The following MYL12B variants were observed in gnomAD, a reference collection of about 807,000 sequenced individuals.
MYL12B encodes myosin regulatory light chain 12B.
MYL12B carries 3 observed loss-of-function variants against 12.9 expected under a neutral mutation model. The ratio of observed to expected loss-of-function variants is 0.23; its 90% confidence interval spans 0.11 to 0.60. The LOEUF (loss-of-function observed/expected upper bound fraction) is 0.60, where lower values mean the gene tolerates loss of function less well. Ranked by LOEUF, MYL12B falls within the 20% of genes least tolerant of loss-of-function variation. MYL12B has a pLI of 0.89. For synonymous variants in MYL12B, 57 were observed against 71.9 expected, an observed-to-expected ratio of 0.79 and a Z score of 1.05; for missense variants, 120 against 215.4, an observed-to-expected ratio of 0.56 and a Z score of 2.77.
At position 3,271,116 on chromosome 18, in the gene MYL12B, A is replaced by C. The variant is rs543247251; in HGVS notation, c.-15-1768A>C. ...GACTAATCTTGAAGAAATTGAGTCA[A>C]AATTTTTAGCATGAGAATGAACCTT... On this transcript the variant is annotated intron_variant, in intron 1 of 3. Transcript: ENST00000237500. Among the ~76,000 whole-genome samples the C allele has an allele frequency of 6.6e-5, 10 of 152,346 alleles. No individual in the cohort carries two copies. The South Asian group carries it at 2.1e-3, about 32-fold the overall frequency.
intron 2 of MYL12B, among the ~76,000 whole-genome samples, chr18:3,274,199 A>G (rs1199340463): frequency 2.0e-5 from 3 of 152,210 alleles, no homozygotes; most frequent in African/African-American, 7.2e-5. Flanking sequence ...TTCTTGGGCA[A>G]GTCAGTACTG....
chr18:3,275,811 T>C (rs1421875883), intron 2 of MYL12B, among the ~76,000 whole-genome samples: 2 of 151,812 alleles, frequency 1.3e-5, no homozygotes, highest in Non-Finnish European at 2.9e-5. Flanking sequence ...TTGGGTTAAA[T>C]CTGGAGGTAG....
chr18:3,266,163 CAG>C (rs980869209), intron 1 of MYL12B, among the ~76,000 whole-genome samples: 1 of 152,146 alleles, frequency 6.6e-6, no homozygotes, highest in African/African-American at 2.4e-5. Flanking sequence ...GGTTCTGGCA[CAG>C]GGTCTCTCAT....
At chr18:3,262,589 G>T (rs1012784913) in intron 1 of MYL12B, 1 of 152,434 alleles carries the variant, frequency 6.6e-6, no homozygotes, top group Non-Finnish European at 1.5e-5. Context: ...GCCTTGGACG[G>T]CCCGGCTGCC....
At chr18:3,270,357 G>A (rs1462326465) in intron 1 of MYL12B, among the ~76,000 whole-genome samples, 1 of 152,092 alleles carries the variant, frequency 6.6e-6, no homozygotes, top group African/African-American at 2.4e-5. Context: ...TTACTACATT[G>A]AGCCTATATC....
At chr18:3,274,496 C>G (rs1307160228) in intron 2 of MYL12B, among the ~76,000 whole-genome samples, 1 of 152,126 alleles carries the variant, frequency 6.6e-6, no homozygotes, top group Non-Finnish European at 1.5e-5. Context: ...CACAGAGACT[C>G]CAGTGCAGCC....
At chr18:3,263,076 G>T (rs2081607234) in intron 1 of MYL12B, 1 of 152,122 alleles carries the variant, frequency 6.6e-6, no homozygotes, top group Admixed American at 6.5e-5. Context: ...AGCAGGCCGT[G>T]GGGACACCGG....
chr18:3,277,507 A>T (rs1284729473), intron 3 of MYL12B, 93 bp downstream of exon 3: 1 of 1,521,324 alleles, frequency 6.6e-7, no homozygotes, highest in African/African-American at 1.4e-5. Flanking sequence ...CCTTTAGAAA[A>T]TATTTGCTTA....
At chr18:3,268,910 CAT>C (rs752625799) in intron 1 of MYL12B, among the ~76,000 whole-genome samples, 1 of 152,276 alleles carries the variant, frequency 6.6e-6, no homozygotes, top group African/African-American at 2.4e-5. Flanking sequence ...GTTTCTAGCA[CAT>C]GAGTCACTTA....
chr18:3,262,865 A>C (rs374920105), intron 1 of MYL12B: 119 of 152,396 alleles, frequency 7.8e-4, no homozygotes, highest in African/African-American at 2.8e-3. Flanking sequence ...TGTGTCTTGC[A>C]TCTTGTAAAG....
At chr18:3,274,463 T>TA (rs1219814184) in intron 2 of MYL12B, among the ~76,000 whole-genome samples, 3 of 12,486 alleles carry the variant, frequency 2.4e-4, no homozygotes, top group Non-Finnish European at 1.0e-3. Context: ...GCGAATCAGG[T>TA]AACCCCAGAA....
At position 3,276,732 on chromosome 18, in the gene MYL12B, A is replaced by T. The variant is rs550582331; in HGVS notation, c.185-521A>T. ...GAACTGACTCCCCGATGGACCATTG[A>T]TGTTATCAACATTCAGGATGTAGGC... On this transcript the variant is annotated intron_variant, in intron 2 of 3. Transcript: ENST00000237500. Among the ~76,000 whole-genome samples the T allele has an allele frequency of 1.5e-3, 231 of 152,026 alleles. 3 individuals carry two copies. In the South Asian group the frequency reaches 0.032, roughly 21 times the overall value.
At chr18:3,277,537 A>G (rs561822621) in intron 3 of MYL12B, 123 bp downstream of exon 3, 8 of 1,445,078 alleles carry the variant, frequency 5.5e-6, no homozygotes. Flanking sequence ...TTGTAAGCAT[A>G]TGATCTGTTT....
At chr18:3,269,275 G>C (rs1389183653) in intron 1 of MYL12B, among the ~76,000 whole-genome samples, 1 of 152,180 alleles carries the variant, frequency 6.6e-6, no homozygotes, top group Non-Finnish European at 1.5e-5. Context: ...GCCCTGCCTA[G>C]AAAACTAAGG....
intron 2 of MYL12B, among the ~76,000 whole-genome samples, chr18:3,273,697 G>T (rs1278585255): frequency 1.3e-5 from 2 of 152,178 alleles, no homozygotes; most frequent in East Asian, 1.9e-4. Flanking sequence ...TTTACAGTTG[G>T]GAGTCAAGGA....
chr18:3,277,228 A>C, intron 2 of MYL12B, 25 bp from the exon 3 acceptor site: 1 of 1,526,192 alleles, frequency 6.6e-7, no homozygotes, highest in Non-Finnish European at 8.9e-7. Context: ...TTTGTCTTTA[A>C]ATGTTAAAAT....
rs1254801519 is a variant in MYL12B at position 3,277,949 on chromosome 18, C to G, written c.*12C>G. On this transcript the variant is annotated 3_prime_UTR_variant, in exon 4 of 4. Coordinates refer to ENST00000237500, the MANE Select transcript of MYL12B (RefSeq NM_033546.4). Reference sequence around the variant, plus strand: ...ACAAAGATGACTGAAAGAACTTTAGCTAAAATCTTCCAGTTACATTGTCTT... The same window carrying G: ...ACAAAGATGACTGAAAGAACTTTAGGTAAAATCTTCCAGTTACATTGTCTT... The G allele has an allele frequency of 6.2e-7, 1 of 1,611,788 alleles. No homozygotes were observed. The highest frequency in any genetic ancestry group is 2.2e-5 in the East Asian group (1 of 44,798).
At chr18:3,275,271 T>G (rs1208424316) in intron 2 of MYL12B, among the ~76,000 whole-genome samples, 1 of 152,098 alleles carries the variant, frequency 6.6e-6, no homozygotes, top group African/African-American at 2.4e-5. Context: ...TTAAAATAAT[T>G]GAACTCATGG....
chr18:3,276,660 C>G, intron 2 of MYL12B: 1 of 666,166 alleles, frequency 1.5e-6, no homozygotes, highest in Non-Finnish European at 1.9e-6. Flanking sequence ...GCATCTGTAC[C>G]ACAACTGGAA....
Sources: allele counts gnomAD v4.1 joint callset (sites outside exome capture counted in the v4.1 genomes callset), GRCh38; gene constraint gnomAD v4.1.1; transcripts MANE v1.5; gene names NCBI Gene and HGNC (gene_info 2026-07-23, HGNC 2026-07-21).